Variants in ZYG11A observed in about 807,000 individuals in gnomAD.
The protein encoded by ZYG11A is protein zyg-11 homolog A.
ZYG11A carries 62 observed loss-of-function variants against 77.2 expected under a neutral mutation model. The observed-to-expected ratio is 0.80, with a 90% CI of 0.65 to 0.99. ZYG11A has a LOEUF of 0.99. ZYG11A is among the 50% of genes least tolerant of loss of function. The probability of loss-of-function intolerance (pLI) is 0.00; values close to 1 mark genes in which losing one functional copy is unlikely to be tolerated. For missense variants in ZYG11A, 828 were observed against 896.8 expected (o/e 0.92, Z 0.98); for synonymous variants, 315 against 324.6 (o/e 0.97, Z 0.32).
At chr1:52,868,121 A>G (rs1646063757) in intron 8 of ZYG11A, among the ~76,000 whole-genome samples, 1 of 151,402 alleles carries the variant, frequency 6.6e-6, no homozygotes, top group Admixed American at 6.6e-5. Context: ...GGGTGTCACC[A>G]CACCTGGCTA....
intron 5 of ZYG11A, among the ~76,000 whole-genome samples, chr1:52,864,732 C>T (rs1256302923): frequency 6.6e-6 from 1 of 151,812 alleles, no homozygotes; most frequent in Non-Finnish European, 1.5e-5. Flanking sequence ...GCAACCTCCG[C>T]CTCCTGGGTT....
At chr1:52,869,824 G>C (rs866533374) in intron 8 of ZYG11A, among the ~76,000 whole-genome samples, 3 of 151,484 alleles carry the variant, frequency 2.0e-5, no homozygotes, top group Non-Finnish European at 2.9e-5. Flanking sequence ...GGGGCGGCCG[G>C]GCAGAGGCGC....
In ZYG11A at chr1:52,886,940, C is replaced by CT. The variant is rs753457724; in HGVS notation, c.2007-8dup. 129 of 1,432,002 alleles carry CT rather than the reference C, an allele frequency of 9.0e-5. No individual in the cohort carries two copies. The highest frequency in any genetic ancestry group is 5.7e-4 in the African/African-American group (40 of 70,490). The allele number at this position is 1,432,002 out of a possible 1,614,324, so 88.7% of individuals were successfully genotyped here. A position where few individuals can be genotyped will look rare whatever the true frequency, so the allele number is the denominator to read the frequency against. ...ACTGTTCTGGATTAACATCTTTGTACTTTTTTTTGTTTTAGATCTTTCAAG... is the reference window on the plus strand; with the variant it reads ...ACTGTTCTGGATTAACATCTTTGTACTTTTTTTTTGTTTTAGATCTTTCAAG... On this transcript the variant is annotated splice_polypyrimidine_tract_variant and intron_variant, in intron 12 of 13. Transcript: ENST00000371528.
chr1:52,884,161 T>C (rs1323536513), intron 11 of ZYG11A, among the ~76,000 whole-genome samples: 1 of 148,696 alleles, frequency 6.7e-6, no homozygotes, highest in African/African-American at 2.5e-5. Context: ...ATTACAGGAG[T>C]CAGGCACTGC....
intron 8 of ZYG11A, among the ~76,000 whole-genome samples, chr1:52,876,015 C>T (rs1358844346): frequency 2.7e-5 from 4 of 150,816 alleles, no homozygotes; most frequent in Non-Finnish European, 5.9e-5. Flanking sequence ...GAAGGGAAGG[C>T]AGAGTATGTT....
intron 1 of ZYG11A, among the ~76,000 whole-genome samples, chr1:52,850,148 G>A (rs751179219): frequency 6.6e-6 from 1 of 151,864 alleles, no homozygotes; most frequent in Non-Finnish European, 1.5e-5. Flanking sequence ...GTTCTGATCT[G>A]CTGATAATCC....
rs981685750 is a variant in ZYG11A, at chr1:52,854,454, T to C, written c.91-11T>C. 6.6e-6 allele frequency: 10 copies of C among 1,523,542 alleles called. 1 individual carries two copies. The highest frequency in any genetic ancestry group is 1.7e-4 in the Middle Eastern group (1 of 5,910). The allele number at this position is 1,523,542 out of a possible 1,614,324, so 94.4% of individuals were successfully genotyped here. A position where few individuals can be genotyped will look rare whatever the true frequency, so the allele number is the denominator to read the frequency against. ...ATTCTAACAAAGTTTGTTTGGGGTT[T>C]TGTTTGCTAGGAAGAGGCATCTCCC... On this transcript the variant is annotated splice_polypyrimidine_tract_variant and intron_variant, in intron 1 of 13. Coordinates refer to ENST00000371528, the MANE Select transcript of ZYG11A (RefSeq NM_001004339.3).
intron 8 of ZYG11A, among the ~76,000 whole-genome samples, chr1:52,873,939 G>A (rs866723854): frequency 5.3e-5 from 8 of 151,728 alleles, no homozygotes; most frequent in South Asian, 2.1e-4. Context: ...AGCCGAGATC[G>A]CGCCACTGCA....
At chr1:52,843,086 C>G in intron 1 of ZYG11A, 113 bp downstream of exon 1, 1 of 902,138 alleles carries the variant, frequency 1.1e-6, no homozygotes, top group South Asian at 2.2e-5. Context: ...GTGTGGCCCG[C>G]GCGGGGCTGC....
intron 5 of ZYG11A, among the ~76,000 whole-genome samples, chr1:52,864,700 A>G (rs111698592): frequency 1.6e-4 from 24 of 151,902 alleles, no homozygotes; most frequent in African/African-American, 5.6e-4. Context: ...GGTGGAGTGC[A>G]GTGGTATGAT....
rs113973990 is a variant in ZYG11A, at chr1:52,894,447, T to G, written c.*1490T>G. On this transcript the variant is annotated 3_prime_UTR_variant, in exon 14 of 14. Transcript: ENST00000371528. ...ATATCAGAAGCTTACTTGATAAGCC[T>G]TGCGGAGCTGCTCTGAGGAATAGTG... 4 of 152,244 alleles carry G rather than the reference T, an allele frequency of 2.6e-5. No individual in the cohort carries two copies. Among genetic ancestry groups the G allele is most frequent in the African/African-American group, 7.2e-5 (3 of 41,464 alleles). 9.4% of individuals were successfully genotyped at this position (152,244 alleles called of 1,614,324 possible).
intron 8 of ZYG11A, among the ~76,000 whole-genome samples, chr1:52,869,485 G>T (rs1241567534): frequency 6.6e-6 from 1 of 151,656 alleles, no homozygotes; most frequent in Non-Finnish European, 1.5e-5. Context: ...GTTTAGCAAA[G>T]CACATCTTGC....
chr1:52,878,022 ACTTATATAGTACCTACTATATG>A, intron 10 of ZYG11A, 53 bp downstream of exon 10: 1 of 1,436,612 alleles, frequency 7.0e-7, no homozygotes, highest in African/African-American at 1.4e-5. Flanking sequence ...AAAACCTAAC[ACTTATATAGTACCTACTATATG>A]CTAGGCAGTA....
chr1:52,855,241 C>T (rs1645788744), intron 2 of ZYG11A, among the ~76,000 whole-genome samples: 1 of 151,882 alleles, frequency 6.6e-6, no homozygotes. Context: ...TCTTACCTCC[C>T]ATTGTAGCTG....
At position 52,864,006 on chromosome 1, in the gene ZYG11A, ACCCATTGGATTTGC is replaced by A. The variant is rs776912033; in HGVS notation, c.1176_1189del (p.His392GlnfsTer67). ...CTTGTGGCTATAGGAATGAGGAATC[ACCCATTGGATTTGC>A]GAGTGCAGTTCACAGCCAGTGCTTG... On this transcript the variant is annotated frameshift_variant, in exon 5 of 14. Transcript: ENST00000371528. LOFTEE classifies it high-confidence loss of function. 3.0e-5 allele frequency: 46 copies of A among 1,551,218 alleles called. 2 individuals carry two copies. In the South Asian group the frequency reaches 5.1e-4, roughly 17 times the overall value.
Position 52,867,672 on chromosome 1 carries a change from C to A in ZYG11A, c.1491+34C>A, listed in dbSNP as rs1231624653. On this transcript the variant is annotated intron_variant, in intron 7 of 13. Coordinates refer to ENST00000371528, the MANE Select transcript of ZYG11A (RefSeq NM_001004339.3). ...TTTCTTAAAGGCAAGATGTCTATCT[C>A]TCTAGTTTTTATACAGGTTCCATAG... is the stretch of plus-strand genomic sequence containing the variant. The A allele has an allele frequency of 1.9e-6, 3 of 1,549,844 alleles. No individual in the cohort carries two copies. The Admixed American group carries it at 5.9e-5, about 30-fold the overall frequency.
rs76891877 is a variant in ZYG11A, at chr1:52,890,118, G to A, written c.2105-2664G>A. Among the ~76,000 whole-genome samples, 845 of 142,226 alleles carry A rather than the reference G, an allele frequency of 5.9e-3. 5 individuals are homozygous for A. Among genetic ancestry groups the A allele is most frequent in the Non-Finnish European group, 1.0e-2 (661 of 66,340 alleles). 93.3% of individuals were successfully genotyped at this position (142,226 alleles called of 152,430 possible). On this transcript the variant is annotated intron_variant, in intron 13 of 13. Coordinates refer to ENST00000371528, the MANE Select transcript of ZYG11A (RefSeq NM_001004339.3). The stretch of plus-strand genomic sequence containing the variant: ...CCTTTTCTGGATTCAGGTTTTGATA[G>A]TGCATTACTGACAAAATCTCTTTGT...
chr1:52,889,959 C>T lies in ZYG11A; in HGVS notation c.2105-2823C>T, dbSNP rs546165675. Reference sequence around the variant, plus strand: ...CGATCTCCGGACCTCATGATCCACCCGCCTTGGCCTCCCAAAGTGCTGGGA... The same window carrying T: ...CGATCTCCGGACCTCATGATCCACCTGCCTTGGCCTCCCAAAGTGCTGGGA... On this transcript the variant is annotated intron_variant, in intron 13 of 13. Coordinates refer to ENST00000371528, the MANE Select transcript of ZYG11A (RefSeq NM_001004339.3). 5.3e-3 allele frequency among the ~76,000 whole-genome samples: 795 copies of T among 151,362 alleles called. 8 individuals are homozygous for T. Among genetic ancestry groups the T allele is most frequent in the African/African-American group, 0.018 (761 of 41,228 alleles).
chr1:52,872,882 C>CAAA (rs59422649), intron 8 of ZYG11A, among the ~76,000 whole-genome samples: 1 of 112,170 alleles, frequency 8.9e-6, no homozygotes, highest in South Asian at 2.7e-4. Context: ...GACTCTGTCT[C>CAAA]AAAAAAAAAA....
Sources: gnomAD v4.1 joint callset for allele counts (sites outside exome capture counted in the v4.1 genomes callset) on GRCh38, gnomAD v4.1.1 for gene constraint, MANE v1.5 for transcripts, NCBI Gene and HGNC (gene_info 2026-07-23, HGNC 2026-07-21) for gene names.